The following DCUN1D2 variants were observed in gnomAD, a reference collection of about 807,000 sequenced individuals.
DCUN1D2 encodes the protein DCN1-like protein 2.
A neutral mutation model predicts 30.9 loss-of-function variants in DCUN1D2; 29 were observed. The ratio of observed to expected loss-of-function variants is 0.94; its 90% confidence interval spans 0.70 to 1.28. The LOEUF (loss-of-function observed/expected upper bound fraction) is 1.28. DCUN1D2 is among the 50% of genes most tolerant of loss of function. DCUN1D2 has a pLI of 0.00. For missense variants in DCUN1D2, 325 were observed against 316.9 expected (o/e 1.03, Z -0.19); for synonymous variants, 121 against 115.3 (o/e 1.05, Z -0.32).
chr13:113,463,137 G>A lies in DCUN1D2; in HGVS notation c.521-2001C>T, dbSNP rs968359102. 3 of 164,014 alleles carry A rather than the reference G, an allele frequency of 1.8e-5. No individual in the cohort carries two copies. The Admixed American group carries it at 1.9e-4, about 11-fold the overall frequency. 10.2% of individuals were successfully genotyped at this position (164,014 alleles called of 1,614,324 possible). ...AACAACAAAAACAACAACTCAGAAT[G>A]GCAGGACTCGAGAGTGGAAACAAGA... On this transcript the variant is annotated intron_variant, in intron 4 of 6. Coordinates refer to ENST00000478244, the MANE Select transcript of DCUN1D2 (RefSeq NM_001014283.2).
intron 3 of DCUN1D2, chr13:113,479,028 T>C (rs879464967): frequency 6.6e-6 from 1 of 152,196 alleles, no homozygotes; most frequent in Non-Finnish European, 1.5e-5. Context: ...TAAGCCCAGC[T>C]CTGGGAAAAT....
chr13:113,473,161 TCCC>T (rs1307431999), intron 4 of DCUN1D2, among the ~76,000 whole-genome samples: 1 of 146,676 alleles, frequency 6.8e-6, no homozygotes, highest in African/African-American at 2.5e-5. Flanking sequence ...TGTCCCTCTG[TCCC>T]CCGTCTCTCT....
chr13:113,476,135 A>T (rs2044613926), intron 3 of DCUN1D2: 1 of 152,252 alleles, frequency 6.6e-6, no homozygotes, highest in African/African-American at 2.4e-5. Context: ...GTTGGTGAAC[A>T]TTCCGGCTGT....
At chr13:113,469,057 GAA>G (rs955438244) in intron 4 of DCUN1D2, 3 of 152,274 alleles carry the variant, frequency 2.0e-5, no homozygotes, top group African/African-American at 7.3e-5. Context: ...AATGGAGATG[GAA>G]AAGAGAGAAA....
intron 4 of DCUN1D2, among the ~76,000 whole-genome samples, chr13:113,465,730 A>C (rs1019594622): frequency 3.3e-5 from 5 of 150,420 alleles, no homozygotes; most frequent in Admixed American, 6.6e-5. Context: ...GCAGTGGTGC[A>C]ATCTCAGCTC....
rs559519046 is a variant in DCUN1D2, at chr13:113,470,387, A to G, written c.520+3737T>C. Among the ~76,000 whole-genome samples, 7 of 152,358 alleles carry G rather than the reference A, an allele frequency of 4.6e-5. No individual in the cohort carries two copies. In the South Asian group the frequency reaches 1.2e-3, roughly 27 times the overall value. On this transcript the variant is annotated intron_variant, in intron 4 of 6. Transcript: ENST00000478244. ...ACCTATCGCTGCCATTATGTGACACATGATGGGTAACAACTTCAGAAGAGG... is the reference window on the plus strand; with the variant it reads ...ACCTATCGCTGCCATTATGTGACACGTGATGGGTAACAACTTCAGAAGAGG...
At chr13:113,480,350 G>T in intron 3 of DCUN1D2, 1 of 406,688 alleles carries the variant, frequency 2.5e-6, no homozygotes, top group East Asian at 4.1e-5. Context: ...TTACAAAAGG[G>T]ATTAATATGA....
intron 6 of DCUN1D2, 31 bp downstream of exon 6, chr13:113,459,281 G>A (rs367964410): frequency 3.8e-4 from 457 of 1,201,686 alleles, no homozygotes; most frequent in Middle Eastern, 2.1e-3. Flanking sequence ...TAAGCATTTC[G>A]GTCAATCATC....
chr13:113,487,341 C>A (rs1396829036), intron 1 of DCUN1D2, among the ~76,000 whole-genome samples: 2 of 152,168 alleles, frequency 1.3e-5, no homozygotes, highest in Non-Finnish European at 2.9e-5. Context: ...CATGGTTATA[C>A]AACAACATTT....
chr13:113,468,020 G>T (rs1403960592), intron 4 of DCUN1D2, among the ~76,000 whole-genome samples: 6 of 149,146 alleles, frequency 4.0e-5, no homozygotes, highest in Non-Finnish European at 8.9e-5. Flanking sequence ...CTCCAGCCTG[G>T]GCGACAGAGC....
chr13:113,456,344 A>C lies in DCUN1D2; in HGVS notation c.*1685T>G, dbSNP rs1308771865. The C allele has an allele frequency of 5.0e-6, 2 of 398,680 alleles. No individual in the cohort carries two copies. The highest frequency in any genetic ancestry group is 7.1e-5 in the East Asian group (2 of 28,088). The allele number at this position is 398,680 out of a possible 1,614,324, so 24.7% of individuals were successfully genotyped here. On this transcript the variant is annotated 3_prime_UTR_variant, in exon 7 of 7. Transcript: ENST00000478244. Reference sequence around the variant, plus strand: ...CCCTCTGTGACCATCTCTGCTAAGAAACATCGACAGTTCGTCCTGCAGCCT... The same window carrying C: ...CCCTCTGTGACCATCTCTGCTAAGACACATCGACAGTTCGTCCTGCAGCCT...
chr13:113,474,115 C>G lies in DCUN1D2; in HGVS notation c.520+9G>C, dbSNP rs2044570274. 10 of 1,610,044 alleles carry G rather than the reference C, an allele frequency of 6.2e-6. No individual in the cohort carries two copies. The highest frequency in any genetic ancestry group is 8.5e-6 in the Non-Finnish European group (10 of 1,177,086). On this transcript the variant is annotated intron_variant, in intron 4 of 6. Transcript: ENST00000478244. ...TCTGGCATTTTACGTATTTGGATTT[C>G]ATACTCACCTAAACCTTTCTGCCCT... is the stretch of plus-strand genomic sequence containing the variant.
At chr13:113,466,973 A>G (rs956113943) in intron 4 of DCUN1D2, among the ~76,000 whole-genome samples, 2 of 151,752 alleles carry the variant, frequency 1.3e-5, no homozygotes, top group African/African-American at 2.4e-5. Flanking sequence ...CGCCCGGCTA[A>G]TTTTTTATAT....
chr13:113,477,693 T>C (rs1235811311), intron 3 of DCUN1D2, among the ~76,000 whole-genome samples: 1 of 151,874 alleles, frequency 6.6e-6, no homozygotes, highest in African/African-American at 2.4e-5. Flanking sequence ...TATTCTTAGT[T>C]TTCTATGAGT....
chr13:113,470,910 ACTCCACAGGGGACCCAG>A lies in DCUN1D2; in HGVS notation c.520+3197_520+3213del, dbSNP rs1252783216. On this transcript the variant is annotated intron_variant, in intron 4 of 6. Transcript: ENST00000478244. ...AAGACCCAACTCCACAGGGGACCCA[ACTCCACAGGGGACCCAG>A]CTCCACAGAAGACACAACTCCACAG... Among the ~76,000 whole-genome samples the A allele has an allele frequency of 4.7e-3, 688 of 147,160 alleles. 7 individuals carry two copies. Among genetic ancestry groups the A allele is most frequent in the African/African-American group, 0.016 (619 of 38,892 alleles).
chr13:113,484,935 G>A (rs2139744310), intron 1 of DCUN1D2, among the ~76,000 whole-genome samples: 1 of 152,178 alleles, frequency 6.6e-6, no homozygotes, highest in Non-Finnish European at 1.5e-5. Flanking sequence ...AAAATTAGCT[G>A]GGTGTGGTGG....
At chr13:113,461,165 T>C in intron 4 of DCUN1D2, 29 bp from the exon 5 acceptor site, 1 of 1,407,224 alleles carries the variant, frequency 7.1e-7, no homozygotes, top group South Asian at 1.2e-5. Flanking sequence ...GAGCAGTTAG[T>C]AAATCTCACT....
At chr13:113,486,033 A>T (rs2044796975) in intron 1 of DCUN1D2, among the ~76,000 whole-genome samples, 1 of 152,204 alleles carries the variant, frequency 6.6e-6, no homozygotes, top group South Asian at 2.1e-4. Context: ...TACTATTTTA[A>T]TTTCTAATAT....
In DCUN1D2 at chr13:113,461,033, G is replaced by A. The variant is rs370645099; in HGVS notation, c.603+21C>T. On this transcript the variant is annotated intron_variant, in intron 5 of 6. Coordinates refer to ENST00000478244, the MANE Select transcript of DCUN1D2 (RefSeq NM_001014283.2). ...CTTCCCTCCACAGTGGGCACACAGC[G>A]AGATGCAGGAGGACACTTACCATTA... is the stretch of plus-strand genomic sequence containing the variant. 8.8e-5 allele frequency: 135 copies of A among 1,531,268 alleles called. No homozygotes were observed. The African/African-American group carries it at 1.4e-3, about 16-fold the overall frequency. The allele number at this position is 1,531,268 out of a possible 1,614,324, so 94.9% of individuals were successfully genotyped here.
Sources: allele counts gnomAD v4.1 joint callset (sites outside exome capture counted in the v4.1 genomes callset), GRCh38; gene constraint gnomAD v4.1.1; transcripts MANE v1.5; gene names NCBI Gene and HGNC (gene_info 2026-07-23, HGNC 2026-07-21).